The following ARL14EPL variants were observed in gnomAD, a reference collection of about 807,000 sequenced individuals.
The protein encoded by ARL14EPL is ARF like GTPase 14 effector protein like.
A neutral mutation model predicts 15.9 loss-of-function variants in ARL14EPL; 17 were observed. That is an observed-to-expected ratio of 1.07 (90% confidence interval 0.73 to 1.60). The LOEUF is 1.60. Ranked by LOEUF, ARL14EPL falls within the 40% of genes most tolerant of loss-of-function variation. ARL14EPL has a pLI of 0.00. For synonymous variants in ARL14EPL, 78 were observed against 63.8 expected (o/e 1.22, Z -1.06); for missense variants, 214 against 185.9 (o/e 1.15, Z -0.88).
intron 2 of ARL14EPL, chr5:116,051,769 G>T: frequency 1.4e-6 from 1 of 710,802 alleles, no homozygotes; most frequent in Non-Finnish European, 2.3e-6. Flanking sequence ...CACCTCCTGT[G>T]TACCCTGATT....
intron 1 of ARL14EPL, among the ~76,000 whole-genome samples, chr5:116,046,897 C>A (rs1435547151): frequency 6.6e-6 from 1 of 152,072 alleles, no homozygotes; most frequent in Admixed American, 6.6e-5. Flanking sequence ...TAAATGAGGT[C>A]CTAGGGTGTG....
chr5:116,047,994 A>G (rs898273822), intron 1 of ARL14EPL, among the ~76,000 whole-genome samples: 2 of 152,306 alleles, frequency 1.3e-5, no homozygotes, highest in East Asian at 1.9e-4. Context: ...TATTGCTTTT[A>G]AAACCCCAAC....
In ARL14EPL at chr5:116,058,936, G is replaced by A. The variant is rs1749586205; in HGVS notation, c.448G>A (p.Val150Ile). 1 of 1,535,938 alleles carries A rather than the reference G, an allele frequency of 6.5e-7. No homozygotes were observed. Among genetic ancestry groups the A allele is most frequent in the Non-Finnish European group, 8.7e-7 (1 of 1,146,790 alleles). Residue 150 changes from valine to isoleucine, a missense_variant, in exon 4 of 4, where the codon GTT becomes ATT. Physicochemically the swap from Val to Ile is conservative, Grantham distance 29 (BLOSUM62 3). Transcript: ENST00000686077. ...GEVISTLPFN[V>I]PD ...GGTCATCAGCACGCTGCCGTTTAAT[G>A]TTCCTGACTAGGTGCTCTTGTATAT...
rs184806161 is a variant in ARL14EPL at position 116,054,762 on chromosome 5, C to T, written c.236+609C>T. ...AGGTGAATCGCTTGAACCCAGGAGG[C>T]GGAGGTTGCAGTGAGCCGAAACCAT... On this transcript the variant is annotated intron_variant, in intron 3 of 3. Transcript: ENST00000686077. 1.7e-3 allele frequency among the ~76,000 whole-genome samples: 253 copies of T among 152,040 alleles called. 1 individual carries two copies. The highest frequency in any genetic ancestry group is 5.7e-3 in the African/African-American group (238 of 41,470).
chr5:116,042,540 G>T (rs1749180266), intron 1 of ARL14EPL, among the ~76,000 whole-genome samples: 1 of 152,198 alleles, frequency 6.6e-6, no homozygotes, highest in East Asian at 1.9e-4. Context: ...ACAGCAGCTT[G>T]TTAAAACAGT....
chr5:116,054,414 T>G (rs1332616829), intron 3 of ARL14EPL, among the ~76,000 whole-genome samples: 1 of 152,178 alleles, frequency 6.6e-6, no homozygotes, highest in Non-Finnish European at 1.5e-5. Context: ...GAAAGATGAT[T>G]TAAAAGTAAC....
chr5:116,032,586 T>A (rs926528428), intron 1 of ARL14EPL, 81 bp downstream of exon 1: 1 of 152,208 alleles, frequency 6.6e-6, no homozygotes, highest in African/African-American at 2.4e-5. Flanking sequence ...TTGTTATAAT[T>A]GTTCTATTTT....
chr5:116,052,807 G>A (rs1313662706), intron 2 of ARL14EPL, among the ~76,000 whole-genome samples: 1 of 152,112 alleles, frequency 6.6e-6, no homozygotes, highest in Non-Finnish European at 1.5e-5. Context: ...TTGTTACATT[G>A]AAATTCCTAC....
intron 1 of ARL14EPL, among the ~76,000 whole-genome samples, chr5:116,035,505 A>G (rs79807214): frequency 0.015 from 2,227 of 152,342 alleles, 58 homozygotes; most frequent in African/African-American, 0.051. Flanking sequence ...CTGCGAACTG[A>G]TTACAAGGAA....
At chr5:116,036,170 G>A (rs951028351) in intron 1 of ARL14EPL, among the ~76,000 whole-genome samples, 18 of 152,200 alleles carry the variant, frequency 1.2e-4, no homozygotes, top group African/African-American at 3.9e-4. Flanking sequence ...AGGGGCTTAA[G>A]GTGCTAGCAG....
chr5:116,042,556 C>G (rs1749180444), intron 1 of ARL14EPL, among the ~76,000 whole-genome samples: 1 of 152,186 alleles, frequency 6.6e-6, no homozygotes, highest in South Asian at 2.1e-4. Flanking sequence ...ACAGTAACCA[C>G]AGCAAACCAG....
chr5:116,046,222 A>G (rs1051008448), intron 1 of ARL14EPL, among the ~76,000 whole-genome samples: 2 of 152,338 alleles, frequency 1.3e-5, no homozygotes, highest in African/African-American at 2.4e-5. Flanking sequence ...GATATCTTAC[A>G]GATAGTGTCC....
intron 1 of ARL14EPL, among the ~76,000 whole-genome samples, chr5:116,033,104 C>T (rs78690233): frequency 0.013 from 1,950 of 152,156 alleles, 25 homozygotes; most frequent in African/African-American, 0.039. Context: ...CGGCCTATAG[C>T]TATGTATTCT....
intron 2 of ARL14EPL, 33 bp downstream of exon 2, chr5:116,051,594 C>T: frequency 6.8e-7 from 1 of 1,479,392 alleles, no homozygotes; most frequent in South Asian, 1.2e-5. Flanking sequence ...TTCCATGCTA[C>T]TGGGGAGTGC....
intron 1 of ARL14EPL, among the ~76,000 whole-genome samples, chr5:116,050,368 T>G (rs1749347137): frequency 2.0e-5 from 3 of 152,344 alleles, no homozygotes; most frequent in Non-Finnish European, 4.4e-5. Context: ...TTTCTGTATT[T>G]GTTCACTTCA....
At chr5:116,051,427 A>G in intron 1 of ARL14EPL, 30 bp from the exon 2 acceptor site, 1 of 1,301,430 alleles carries the variant, frequency 7.7e-7, no homozygotes, top group Non-Finnish European at 1.1e-6. Flanking sequence ...TGATATTAAT[A>G]TGTTTTACTT....
At chr5:116,055,993 T>C (rs13154923) in intron 3 of ARL14EPL, among the ~76,000 whole-genome samples, 97,092 of 151,990 alleles carry the variant, frequency 0.64, 33,286 homozygotes, top group Non-Finnish European at 0.79. Context: ...TTTTTTATGG[T>C]TGCATAGTAT....
intron 1 of ARL14EPL, among the ~76,000 whole-genome samples, chr5:116,049,752 A>G (rs1455449222): frequency 6.6e-6 from 1 of 152,236 alleles, no homozygotes; most frequent in Non-Finnish European, 1.5e-5. Context: ...GAGGGCAGTA[A>G]GAAACTCCAG....
At chr5:116,045,745 AGT>A (rs56960751) in intron 1 of ARL14EPL, among the ~76,000 whole-genome samples, 29,120 of 148,600 alleles carry the variant, frequency 0.2, 2,930 homozygotes, top group African/African-American at 0.27. Flanking sequence ...GACCCACAGA[AGT>A]GTGTGTGTGT....
Sources: gnomAD v4.1 joint callset for allele counts (sites outside exome capture counted in the v4.1 genomes callset) on GRCh38, gnomAD v4.1.1 for gene constraint, MANE v1.5 for transcripts, NCBI Gene and HGNC (gene_info 2026-07-23, HGNC 2026-07-21) for gene names.